The following PSMD6 variants were observed in gnomAD, a reference collection of about 807,000 sequenced individuals.
PSMD6 encodes proteasome 26S subunit, non-ATPase 6, also known as 26S proteasome non-ATPase regulatory subunit 6.
PSMD6 carries 7 observed loss-of-function variants against 44.9 expected under a neutral mutation model. That is an observed-to-expected ratio of 0.16 (90% CI 0.09 to 0.29). The LOEUF is 0.29. Ranked by LOEUF, PSMD6 falls within the 10% of genes least tolerant of loss-of-function variation. The pLI is 1.00. For synonymous variants in PSMD6, 184 were observed against 172.7 expected, an observed-to-expected ratio of 1.07 and a Z score of -0.51; for missense variants, 420 against 482.6, an observed-to-expected ratio of 0.87 and a Z score of 1.21.
At chr3:64,018,065 C>A (rs970977133) in intron 5 of PSMD6, among the ~76,000 whole-genome samples, 1 of 152,226 alleles carries the variant, frequency 6.6e-6, no homozygotes, top group Non-Finnish European at 1.5e-5. Flanking sequence ...TTTTCTTAAC[C>A]CATAGCCCTT....
intron 2 of PSMD6, among the ~76,000 whole-genome samples, chr3:64,021,407 T>C (rs2076129114): frequency 6.6e-6 from 1 of 150,714 alleles, no homozygotes; most frequent in African/African-American, 2.4e-5. Flanking sequence ...CCTATGTACT[T>C]AAAAAAAAAA....
intron 2 of PSMD6, chr3:64,019,797 T>C (rs1353086533): frequency 5.7e-6 from 1 of 175,750 alleles, no homozygotes; most frequent in African/African-American, 2.4e-5. Flanking sequence ...TAACATCATC[T>C]GAAGGGTTTT....
Position 64,018,823 on chromosome 3 carries a change from C to T in PSMD6, c.712G>A (p.Glu238Lys), listed in dbSNP as rs2076088331. 28 of 1,575,144 alleles carry T rather than the reference C, an allele frequency of 1.8e-5. No individual in the cohort carries two copies. Among genetic ancestry groups the T allele is most frequent in the Non-Finnish European group, 2.3e-5 (26 of 1,145,524 alleles). ...MIALERPDLR[E>K]KVIKGAEILE... ...TATTAAAGTTTGGTCATTACCTTTT[C>T]CCTGAGATCTGGTCTTTCTAAGGCA... Residue 238 changes from glutamate to lysine, a missense_variant, in exon 4 of 8, where the codon GAA becomes AAA. Glu to Lys is a moderately conservative substitution (Grantham distance 56). Coordinates refer to ENST00000295901, the MANE Select transcript of PSMD6 (RefSeq NM_014814.3).
intron 2 of PSMD6, among the ~76,000 whole-genome samples, chr3:64,021,223 T>G (rs1230175957): frequency 6.6e-6 from 1 of 152,196 alleles, no homozygotes; most frequent in Non-Finnish European, 1.5e-5. Context: ...ACAACACATA[T>G]GTCCAACAAC....
chr3:64,022,753 G>C, intron 1 of PSMD6: 2 of 1,536,476 alleles, frequency 1.3e-6, no homozygotes, highest in African/African-American at 1.4e-5. Context: ...ACTAGGGCTG[G>C]AGGGAGGGCA....
intron 5 of PSMD6, chr3:64,017,544 C>G (rs2076064945): frequency 1.3e-5 from 2 of 152,136 alleles, no homozygotes; most frequent in South Asian, 4.1e-4. Context: ...GGGAAAAGAG[C>G]AATTCTACAA....
intron 5 of PSMD6, 90 bp from the exon 6 acceptor site, chr3:64,013,697 C>CAGAT (rs1384712533): frequency 8.6e-7 from 1 of 1,167,336 alleles, no homozygotes; most frequent in Non-Finnish European, 1.2e-6. Context: ...TTGAGTCCAA[C>CAGAT]AGATAGATGA....
At chr3:64,019,069 G>A (rs761674688) in intron 3 of PSMD6, 32 bp from the exon 4 acceptor site, 8 of 1,553,066 alleles carry the variant, frequency 5.2e-6, no homozygotes, top group East Asian at 2.2e-5. Context: ...ATCATAGTCT[G>A]GAAACAGACA....
chr3:64,023,504 G>C, upstream of PSMD6: 1 of 1,440,092 alleles, frequency 6.9e-7, no homozygotes, highest in Non-Finnish European at 9.2e-7. Context: ...CGGCGAATAC[G>C]CCCGGCCGCC....
Position 64,023,447 on chromosome 3 carries a change from G to A in PSMD6, c.-28C>T, listed in dbSNP as rs778011420. 88 of 1,567,672 alleles carry A rather than the reference G, an allele frequency of 5.6e-5. No individual in the cohort carries two copies. Among genetic ancestry groups the A allele is most frequent in the East Asian group, 1.7e-4 (7 of 41,608 alleles). ...CGGCGAAGGGGACAGCGGCTGACAGGACACAACTTGGTTACGACCGGCTGC... is the reference window on the plus strand; with the variant it reads ...CGGCGAAGGGGACAGCGGCTGACAGAACACAACTTGGTTACGACCGGCTGC... On this transcript the variant is annotated 5_prime_UTR_variant, in exon 1 of 8. Transcript: ENST00000295901.
At chr3:64,021,533 G>A (rs1445269440) in intron 2 of PSMD6, among the ~76,000 whole-genome samples, 1 of 152,150 alleles carries the variant, frequency 6.6e-6, no homozygotes, top group Non-Finnish European at 1.5e-5. Flanking sequence ...TTATGACCGG[G>A]TGCACTGGCT....
intron 6 of PSMD6, chr3:64,011,732 A>AGAT (rs1285773001): frequency 6.6e-6 from 1 of 152,190 alleles, no homozygotes; most frequent in Non-Finnish European, 1.5e-5. Flanking sequence ...CTTGTCATCA[A>AGAT]GATGACTTAA....
intron 2 of PSMD6, among the ~76,000 whole-genome samples, chr3:64,022,030 AT>A (rs754878555): frequency 1.1e-4 from 17 of 152,130 alleles, no homozygotes; most frequent in Non-Finnish European, 4.4e-5. Context: ...AATGATCCCA[AT>A]TTTGTAAAAG....
At chr3:64,019,618 T>C in intron 2 of PSMD6, 177 bp from the exon 3 acceptor site, 2 of 544,322 alleles carry the variant, frequency 3.7e-6, no homozygotes, top group Non-Finnish European at 6.1e-6. Context: ...GGTTTATTAT[T>C]CTACTTTCTC....
rs551440805 is a variant in PSMD6, at chr3:64,011,027, A to T, written c.996-72T>A. The T allele has an allele frequency of 3.7e-3, 4,488 of 1,229,306 alleles. 14 individuals are homozygous for T. The highest frequency in any genetic ancestry group is 4.4e-3 in the Non-Finnish European group (3,832 of 869,984). The allele number at this position is 1,229,306 out of a possible 1,614,324, so 76.1% of individuals were successfully genotyped here. ...TTAGAAAAATGCAAACGGCATTAAA[A>T]TACTGTCTTAAATTTGTAACAAACA... On this transcript the variant is annotated intron_variant, in intron 6 of 7. Coordinates refer to ENST00000295901, the MANE Select transcript of PSMD6 (RefSeq NM_014814.3).
chr3:64,020,932 A>G (rs1051668910), intron 2 of PSMD6, among the ~76,000 whole-genome samples: 3 of 152,230 alleles, frequency 2.0e-5, no homozygotes, highest in African/African-American at 7.2e-5. Flanking sequence ...AAACATTCAA[A>G]GCCCATTTTC....
At chr3:64,022,940 C>G (rs1232766126) in intron 1 of PSMD6, 1 of 1,440,572 alleles carries the variant, frequency 6.9e-7, no homozygotes, top group East Asian at 2.5e-5. Context: ...CACAGGAATA[C>G]CCCGCGCCCG....
chr3:64,022,534 A>G lies in PSMD6; in HGVS notation c.146-11T>C, dbSNP rs750267651. On this transcript the variant is annotated splice_polypyrimidine_tract_variant and intron_variant, in intron 1 of 7. Transcript: ENST00000295901. ...AGTAAGGAGCCATGTCTAACATGCA[A>G]AAAGAGGGATGTGTGAGTGGGGACA... 2.5e-6 allele frequency: 4 copies of G among 1,613,268 alleles called. No individual in the cohort carries two copies. Among genetic ancestry groups the G allele is most frequent in the Non-Finnish European group, 3.4e-6 (4 of 1,179,166 alleles).
At chr3:64,017,159 T>C (rs969253681) in intron 5 of PSMD6, 5 of 152,330 alleles carry the variant, frequency 3.3e-5, no homozygotes, top group African/African-American at 7.2e-5. Context: ...AAAGGAGTAA[T>C]AGGGAGTGAC....
Sources: allele counts gnomAD v4.1 joint callset (sites outside exome capture counted in the v4.1 genomes callset), GRCh38; gene constraint gnomAD v4.1.1; transcripts MANE v1.5; gene names NCBI Gene and HGNC (gene_info 2026-07-23, HGNC 2026-07-21).